OSGIN2: variants seen among roughly 807,000 people sequenced by gnomAD.
OSGIN2 encodes the protein oxidative stress-induced growth inhibitor 2.
In OSGIN2, 19 loss-of-function variants were observed where a neutral mutation model predicts 53.8. That is an observed-to-expected ratio of 0.35 (90% CI 0.25 to 0.52). The LOEUF is 0.52. Ranked by LOEUF, OSGIN2 falls within the 20% of genes least tolerant of loss-of-function variation. The probability of loss-of-function intolerance (pLI) is 0.95; values close to 1 mark genes in which losing one functional copy is unlikely to be tolerated. For synonymous variants in OSGIN2, 236 were observed against 236.0 expected (o/e 1.00, Z 0.00); for missense variants, 520 against 662.7 (o/e 0.78, Z 2.36).
At chr8:89,905,468 G>GTGC (rs1173534730) in intron 1 of OSGIN2, among the ~76,000 whole-genome samples, 1 of 152,032 alleles carries the variant, frequency 6.6e-6, no homozygotes, top group East Asian at 1.9e-4. Context: ...GTGATATACT[G>GTGC]TGCATGTACT....
chr8:89,919,196 C>G (rs762654885), intron 4 of OSGIN2, among the ~76,000 whole-genome samples: 1 of 152,178 alleles, frequency 6.6e-6, no homozygotes, highest in Non-Finnish European at 1.5e-5. Flanking sequence ...AGTCCAAGTT[C>G]ATTCTCAGTC....
In OSGIN2 at chr8:89,927,497, CTT is replaced by C. The variant is rs1809370949; in HGVS notation, c.*1967_*1968del. ...AAATTTCTGTCCCGTAATTCTAACA[CTT>C]TACATTTTTTCTTTGCTATCAGCTA... On this transcript the variant is annotated 3_prime_UTR_variant, in exon 6 of 6. Coordinates refer to ENST00000451899, the MANE Select transcript of OSGIN2 (RefSeq NM_001126111.3). The C allele has an allele frequency of 6.6e-6, 1 of 152,184 alleles. No individual in the cohort carries two copies. Among genetic ancestry groups the C allele is most frequent in the Admixed American group, 6.5e-5 (1 of 15,274 alleles). The allele number at this position is 152,184 out of a possible 1,614,324, so 9.4% of individuals were successfully genotyped here.
chr8:89,911,627 TAAAAA>T (rs76846705), intron 2 of OSGIN2, among the ~76,000 whole-genome samples: 1 of 93,946 alleles, frequency 1.1e-5, no homozygotes, highest in African/African-American at 4.0e-5. Context: ...AAACTCTGTC[TAAAAA>T]AAAAAAAAAA....
At chr8:89,914,964 G>A (rs1809046034) in intron 4 of OSGIN2, among the ~76,000 whole-genome samples, 1 of 152,128 alleles carries the variant, frequency 6.6e-6, no homozygotes. Flanking sequence ...GAATAAGCAT[G>A]TCTCTATACT....
rs1241055416 is a variant in OSGIN2 at position 89,925,786 on chromosome 8, T to G, written c.*254T>G. The G allele has an allele frequency of 5.3e-6, 2 of 375,320 alleles. No individual in the cohort carries two copies. The highest frequency in any genetic ancestry group is 9.6e-6 in the Non-Finnish European group (2 of 208,802). The allele number at this position is 375,320 out of a possible 1,614,324, so 23.2% of individuals were successfully genotyped here. On this transcript the variant is annotated 3_prime_UTR_variant, in exon 6 of 6. Coordinates refer to ENST00000451899, the MANE Select transcript of OSGIN2 (RefSeq NM_001126111.3). ...TTAAGCTTTCATTTAACTAAAACATTCTTTTCTTGCAAAACTTATTTTTCA... is the reference window on the plus strand; with the variant it reads ...TTAAGCTTTCATTTAACTAAAACATGCTTTTCTTGCAAAACTTATTTTTCA...
chr8:89,905,896 T>C (rs1219631690), intron 1 of OSGIN2, among the ~76,000 whole-genome samples: 3 of 152,222 alleles, frequency 2.0e-5, no homozygotes, highest in Non-Finnish European at 4.4e-5. Flanking sequence ...ACATTAACAC[T>C]GAATAATTTA....
Position 89,921,177 on chromosome 8 carries a change from G to T in OSGIN2, c.620+6G>T. 1 of 1,501,002 alleles carries T rather than the reference G, an allele frequency of 6.7e-7. No homozygotes were observed. Among genetic ancestry groups the T allele is most frequent in the Non-Finnish European group, 9.1e-7 (1 of 1,096,010 alleles). 93.0% of individuals were successfully genotyped at this position (1,501,002 alleles called of 1,614,324 possible). ...TGGGTATCAAGTAAACGAAGGTAAAGATTGAACTGTATTAAAATTCTTTGG... is the reference window on the plus strand; with the variant it reads ...TGGGTATCAAGTAAACGAAGGTAAATATTGAACTGTATTAAAATTCTTTGG... On this transcript the variant is annotated splice_donor_region_variant and intron_variant, in intron 5 of 5. Transcript: ENST00000451899.
intron 1 of OSGIN2, among the ~76,000 whole-genome samples, chr8:89,907,583 T>G (rs1038346835): frequency 6.6e-6 from 1 of 152,010 alleles, no homozygotes; most frequent in Non-Finnish European, 1.5e-5. Flanking sequence ...AGGTGTGTGG[T>G]CTTATTTGTG....
chr8:89,916,366 T>C (rs1809078967), intron 4 of OSGIN2, among the ~76,000 whole-genome samples: 1 of 152,184 alleles, frequency 6.6e-6, no homozygotes, highest in East Asian at 1.9e-4. Context: ...TTTTCAGGCA[T>C]GTATTCACTA....
rs1808750968 is a variant in OSGIN2, at chr8:89,902,774, C to G, written c.-20C>G. On this transcript the variant is annotated 5_prime_UTR_variant, in exon 1 of 6. Coordinates refer to ENST00000451899, the MANE Select transcript of OSGIN2 (RefSeq NM_001126111.3). ...GGCGGCCACGGCGGCCGCGCTCGGG[C>G]GCCCCTCGCGCAGCGCTCCATGCCC... is the stretch of plus-strand genomic sequence containing the variant. 3.2e-6 allele frequency: 4 copies of G among 1,237,332 alleles called. No homozygotes were observed. Among genetic ancestry groups the G allele is most frequent in the Non-Finnish European group, 4.1e-6 (4 of 981,628 alleles). The allele number at this position is 1,237,332 out of a possible 1,614,324, so 76.6% of individuals were successfully genotyped here. A position where few individuals can be genotyped will look rare whatever the true frequency, so the allele number is the denominator to read the frequency against.
rs139443228 is a variant in OSGIN2 at position 89,925,139 on chromosome 8, T to C, written c.1257T>C (p.Tyr419=). The C allele has an allele frequency of 2.4e-5, 38 of 1,614,026 alleles. No individual in the cohort carries two copies. Among genetic ancestry groups the C allele is most frequent in the Non-Finnish European group, 3.1e-5 (36 of 1,179,968 alleles). ...TAGACTCAAATCTTTTATCTGATTATACCAGCTTTCCCGAGCACCGTGTGC... is the reference window on the plus strand; with the variant it reads ...TAGACTCAAATCTTTTATCTGATTACACCAGCTTTCCCGAGCACCGTGTGC... ...YSVDSNLLSD[Y]TSFPEHRVLS... Residue 419 remains tyrosine (Y), a synonymous_variant, in exon 6 of 6, where the codon TAT becomes TAC. Transcript: ENST00000451899.
At chr8:89,915,839 G>C (rs866976472) in intron 4 of OSGIN2, among the ~76,000 whole-genome samples, 1 of 152,082 alleles carries the variant, frequency 6.6e-6, no homozygotes, top group African/African-American at 2.4e-5. Context: ...GATTAAATAC[G>C]TCATGGGTTT....
chr8:89,921,248 ATT>A (rs1442904978), intron 5 of OSGIN2, 77 bp downstream of exon 5: 1 of 802,990 alleles, frequency 1.2e-6, no homozygotes, highest in African/African-American at 1.7e-5. Context: ...AATATTTGTG[ATT>A]TTGTCATGGC....
In OSGIN2 at chr8:89,918,102, C is replaced by T. The variant is rs77198681; in HGVS notation, c.529-2978C>T. 5.7e-3 allele frequency among the ~76,000 whole-genome samples: 866 copies of T among 152,254 alleles called. 7 individuals carry two copies. The highest frequency in any genetic ancestry group is 0.02 in the African/African-American group (821 of 41,548). On this transcript the variant is annotated intron_variant, in intron 4 of 5. Coordinates refer to ENST00000451899, the MANE Select transcript of OSGIN2 (RefSeq NM_001126111.3). Reference sequence around the variant, plus strand: ...ACTCTACCTTCTGCCACCGGTTTTCCATTGGAACTGTTTTTTCTGAAAGTC... The same window carrying T: ...ACTCTACCTTCTGCCACCGGTTTTCTATTGGAACTGTTTTTTCTGAAAGTC...
Position 89,909,557 on chromosome 8 carries a change from T to C in OSGIN2, c.45-10T>C, listed in dbSNP as rs773125559. The C allele has an allele frequency of 3.5e-6, 5 of 1,436,116 alleles. No individual in the cohort carries two copies. Among genetic ancestry groups the C allele is most frequent in the Non-Finnish European group, 4.7e-6 (5 of 1,071,770 alleles). The allele number at this position is 1,436,116 out of a possible 1,614,324, so 89.0% of individuals were successfully genotyped here. A position where few individuals can be genotyped will look rare whatever the true frequency, so the allele number is the denominator to read the frequency against. On this transcript the variant is annotated splice_polypyrimidine_tract_variant and intron_variant, in intron 1 of 5. Transcript: ENST00000451899. ...TATCTCTTTTTATTCCCCCTTTTTT[T>C]TTTTTAAAGAAACTATAGTGACACT... is the stretch of plus-strand genomic sequence containing the variant.
At chr8:89,918,327 G>A (rs1809124753) in intron 4 of OSGIN2, among the ~76,000 whole-genome samples, 1 of 152,096 alleles carries the variant, frequency 6.6e-6, no homozygotes, top group Non-Finnish European at 1.5e-5. Flanking sequence ...TTGAGAGAGG[G>A]TCTCACTCTG....
chr8:89,907,061 GTCT>G, intron 1 of OSGIN2, among the ~76,000 whole-genome samples: 1 of 152,272 alleles, frequency 6.6e-6, no homozygotes, highest in South Asian at 2.1e-4. Context: ...CTGCCTGTAT[GTCT>G]TCTTTTGAGA....
Position 89,924,664 on chromosome 8 carries a change from A to C in OSGIN2, c.782A>C (p.Asp261Ala). Residue 261 changes from aspartate to alanine, a missense_variant, in exon 6 of 6, where the codon GAT becomes GCT. This residue lies in a region of OSGIN2 where 78 missense variants were observed against 59.1 expected (regional missense o/e 1.32). Coordinates refer to ENST00000451899, the MANE Select transcript of OSGIN2 (RefSeq NM_001126111.3). ...DQDDDDIQDRDISTKHLQIEK... is the reference protein window; with the variant it reads ...DQDDDDIQDRAISTKHLQIEK... ...GATGATGATGATATTCAAGACAGAG[A>C]TATTTCAACAAAGCATTTACAGATA... is the stretch of plus-strand genomic sequence containing the variant. 6.2e-7 allele frequency: 1 copy of C among 1,614,164 alleles called. No individual in the cohort carries two copies. The highest frequency in any genetic ancestry group is 1.1e-5 in the South Asian group (1 of 91,088).
At chr8:89,916,185 C>T (rs985455559) in intron 4 of OSGIN2, among the ~76,000 whole-genome samples, 1 of 152,122 alleles carries the variant, frequency 6.6e-6, no homozygotes, top group Non-Finnish European at 1.5e-5. Context: ...TTTTATTTTA[C>T]TTACATTTTT....
Sources: gnomAD v4.1 joint callset for allele counts (sites outside exome capture counted in the v4.1 genomes callset) on GRCh38, gnomAD v4.1.1 for gene constraint, gnomAD v4.1.1 regional missense constraint, MANE v1.5 for transcripts, NCBI Gene and HGNC (gene_info 2026-07-23, HGNC 2026-07-21) for gene names.